The following DLGAP2 variants were observed in gnomAD, a reference collection of about 807,000 sequenced individuals.
DLGAP2 encodes disks large-associated protein 2.
A neutral mutation model predicts 100.3 loss-of-function variants in DLGAP2; 26 were observed. That is an observed-to-expected ratio of 0.26 (90% CI 0.19 to 0.36). DLGAP2 has a LOEUF of 0.36. Ranked by LOEUF, DLGAP2 falls within the 10% of genes least tolerant of loss-of-function variation. The pLI is 1.00. For synonymous variants in DLGAP2, 886 were observed against 630.1 expected (o/e 1.41, Z -6.08); for missense variants, 1,858 against 1,453.2 (o/e 1.28, Z -4.53).
At chr8:1,443,403 C>T (rs1053039143) in intron 3 of DLGAP2, among the ~76,000 whole-genome samples, 8 of 152,280 alleles carry the variant, frequency 5.3e-5, no homozygotes, top group African/African-American at 1.7e-4. Context: ...AGCCTTCCCT[C>T]TAGCGGCTGT....
At chr8:984,006 G>C (rs962950390) in intron 2 of DLGAP2, among the ~76,000 whole-genome samples, 1 of 152,018 alleles carries the variant, frequency 6.6e-6, no homozygotes, top group Non-Finnish European at 1.5e-5. Context: ...AGAGTGTGCC[G>C]AGCACACAGA....
chr8:836,919 C>G (rs1056399445), intron 1 of DLGAP2, among the ~76,000 whole-genome samples: 1 of 152,248 alleles, frequency 6.6e-6, no homozygotes, highest in African/African-American at 2.4e-5. Context: ...AGCGCACATG[C>G]ACACACCTGC....
At chr8:790,954 G>C (rs1254883632) in intron 1 of DLGAP2, among the ~76,000 whole-genome samples, 1 of 152,112 alleles carries the variant, frequency 6.6e-6, no homozygotes, top group Non-Finnish European at 1.5e-5. Context: ...TGTTGCCCAA[G>C]GTGGTCTAGA....
At chr8:960,783 A>G (rs948464739) in intron 2 of DLGAP2, among the ~76,000 whole-genome samples, 4 of 152,206 alleles carry the variant, frequency 2.6e-5, no homozygotes, top group African/African-American at 9.6e-5. Flanking sequence ...AATGCATTTA[A>G]TACTCTGATA....
At chr8:1,243,480 T>G (rs978215482) in intron 2 of DLGAP2, among the ~76,000 whole-genome samples, 1 of 152,248 alleles carries the variant, frequency 6.6e-6, no homozygotes, top group African/African-American at 2.4e-5. Flanking sequence ...AGAGATGTTC[T>G]GGACTTGGCC....
chr8:1,356,047 G>A (rs577167647), intron 3 of DLGAP2, among the ~76,000 whole-genome samples: 1 of 152,228 alleles, frequency 6.6e-6, no homozygotes, highest in Non-Finnish European at 1.5e-5. Context: ...TGCACTGTCG[G>A]TCAGTATGGG....
intron 2 of DLGAP2, among the ~76,000 whole-genome samples, chr8:951,837 A>G (rs139080671): frequency 6.6e-6 from 1 of 152,304 alleles, no homozygotes; most frequent in African/African-American, 2.4e-5. Context: ...ATCCATGTTT[A>G]TCTTACCCCC....
intron 2 of DLGAP2, among the ~76,000 whole-genome samples, chr8:1,216,784 C>T (rs1202357635): frequency 6.6e-6 from 1 of 152,136 alleles, no homozygotes; most frequent in East Asian, 1.9e-4. Context: ...TCAGATTTTT[C>T]TGAATCTGTT....
chr8:1,326,005 T>A (rs976267655), intron 3 of DLGAP2, among the ~76,000 whole-genome samples: 1 of 152,190 alleles, frequency 6.6e-6, no homozygotes, highest in African/African-American at 2.4e-5. Context: ...GCCATCTGGT[T>A]TTCAGGACCC....
chr8:1,698,023 G>C (rs1461930845), intron 14 of DLGAP2, among the ~76,000 whole-genome samples: 3 of 152,226 alleles, frequency 2.0e-5, no homozygotes, highest in Non-Finnish European at 4.4e-5. Context: ...AAATGATAAA[G>C]AAAATCAAGT....
At chr8:813,873 G>A (rs913479639) in intron 1 of DLGAP2, among the ~76,000 whole-genome samples, 1 of 152,132 alleles carries the variant, frequency 6.6e-6, no homozygotes, top group Admixed American at 6.5e-5. Flanking sequence ...TCTGCCGAAT[G>A]TTCTGGGGCC....
chr8:826,772 C>T (rs1050177408), intron 1 of DLGAP2, among the ~76,000 whole-genome samples: 10 of 152,106 alleles, frequency 6.6e-5, no homozygotes, highest in Admixed American at 1.3e-4. Flanking sequence ...TGGTGGCCTA[C>T]GTGTTCCTGT....
chr8:823,837 C>T (rs893246610), intron 1 of DLGAP2, among the ~76,000 whole-genome samples: 2 of 152,208 alleles, frequency 1.3e-5, no homozygotes, highest in Non-Finnish European at 2.9e-5. Context: ...GGTCAAGAGT[C>T]TGCGGCCTGG....
chr8:1,458,235 A>G (rs1447147507), intron 3 of DLGAP2, among the ~76,000 whole-genome samples: 3 of 151,782 alleles, frequency 2.0e-5, no homozygotes, highest in Admixed American at 1.3e-4. Flanking sequence ...AAGATCTTCT[A>G]TGTTGCCTTC....
intron 3 of DLGAP2, among the ~76,000 whole-genome samples, chr8:1,420,632 C>G (rs549121147): frequency 1.3e-5 from 2 of 152,330 alleles, no homozygotes; most frequent in South Asian, 2.1e-4. Context: ...AGGTTTCACA[C>G]TGTCAGGACC....
At chr8:1,241,604 T>G (rs1798798611) in intron 2 of DLGAP2, among the ~76,000 whole-genome samples, 2 of 152,258 alleles carry the variant, frequency 1.3e-5, no homozygotes, top group South Asian at 4.1e-4. Flanking sequence ...TTCTAGAGAC[T>G]TTTCACTCCA....
At chr8:744,603 C>T (rs552117890) in intron 1 of DLGAP2, among the ~76,000 whole-genome samples, 2 of 150,870 alleles carry the variant, frequency 1.3e-5, no homozygotes, top group Non-Finnish European at 3.0e-5. Context: ...CGGTCACTCC[C>T]TGCCTCTTCT....
intron 2 of DLGAP2, among the ~76,000 whole-genome samples, chr8:1,235,042 G>A (rs1003014638): frequency 3.3e-5 from 5 of 151,420 alleles, no homozygotes; most frequent in African/African-American, 4.8e-5. Context: ...CTCACATGGC[G>A]CCATGTCTAG....
chr8:950,908 G>A (rs896601776), intron 2 of DLGAP2, among the ~76,000 whole-genome samples: 5 of 152,072 alleles, frequency 3.3e-5, no homozygotes, highest in African/African-American at 1.2e-4. Flanking sequence ...ACAGACGTGA[G>A]CCACCGCGCT....
Sources: allele counts gnomAD v4.1 joint callset (sites outside exome capture counted in the v4.1 genomes callset), GRCh38; gene constraint gnomAD v4.1.1; transcripts MANE v1.5; gene names NCBI Gene and HGNC (gene_info 2026-07-23, HGNC 2026-07-21).